GPAT4: variants seen among roughly 807,000 people sequenced by gnomAD.
GPAT4 encodes glycerol-3-phosphate acyltransferase 4.
Under a neutral mutation model 58.0 loss-of-function variants are expected in GPAT4, and 17 were observed. The ratio of observed to expected loss-of-function variants is 0.29; its 90% CI spans 0.20 to 0.44. GPAT4 has a LOEUF of 0.44. Ranked by LOEUF, GPAT4 falls within the 20% of genes least tolerant of loss-of-function variation. GPAT4 has a pLI of 1.00. For missense variants in GPAT4, 377 were observed against 574.5 expected (o/e 0.66, Z 3.51); for synonymous variants, 204 against 210.1 (o/e 0.97, Z 0.25).
chr8:41,619,720 A>G (rs1185025256), intron 12 of GPAT4, among the ~76,000 whole-genome samples: 1 of 152,236 alleles, frequency 6.6e-6, no homozygotes, highest in African/African-American at 2.4e-5. Flanking sequence ...CCAAGGGTCA[A>G]CTGGGGAGAG....
At chr8:41,611,849 T>G in intron 5 of GPAT4, 54 bp from the exon 6 acceptor site, 2 of 1,562,116 alleles carry the variant, frequency 1.3e-6, no homozygotes, top group South Asian at 1.1e-5. Context: ...CAGTAACTCT[T>G]TCTGTCTTCC....
chr8:41,620,847 T>C (rs1803727439), intron 12 of GPAT4, 46 bp from the exon 13 acceptor site: 3 of 1,549,246 alleles, frequency 1.9e-6, no homozygotes, highest in South Asian at 1.2e-5. Context: ...TGAGCGTGGC[T>C]GGGAGCCCTC....
chr8:41,591,421 G>T (rs1400025228), intron 1 of GPAT4, among the ~76,000 whole-genome samples: 1 of 152,186 alleles, frequency 6.6e-6, no homozygotes, highest in East Asian at 1.9e-4. Flanking sequence ...ATTTTAAGGC[G>T]AAGTCAGTAG....
chr8:41,609,040 A>G (rs915714342), intron 2 of GPAT4, among the ~76,000 whole-genome samples: 2 of 152,250 alleles, frequency 1.3e-5, no homozygotes, highest in Admixed American at 6.5e-5. Context: ...TTTACAGGAT[A>G]CCTGGCTTCG....
At chr8:41,604,386 T>C (rs1803197401) in intron 2 of GPAT4, among the ~76,000 whole-genome samples, 1 of 152,348 alleles carries the variant, frequency 6.6e-6, no homozygotes, top group East Asian at 1.9e-4. Flanking sequence ...CAATATCTTT[T>C]CTGTTCCCTT....
chr8:41,579,595 T>A (rs1428916654), intron 1 of GPAT4, among the ~76,000 whole-genome samples: 1 of 152,194 alleles, frequency 6.6e-6, no homozygotes, highest in Non-Finnish European at 1.5e-5. Context: ...CCCAGCACTT[T>A]GGGAGGCCGA....
rs772593902 is a variant in GPAT4 at position 41,609,809 on chromosome 8, G to A, written c.390G>A (p.Glu130=). 1.2e-6 allele frequency: 2 copies of A among 1,614,094 alleles called. No individual in the cohort carries two copies. Among genetic ancestry groups the A allele is most frequent in the South Asian group, 1.1e-5 (1 of 91,084 alleles). The change falls in exon 4 of 13, where the codon GAG becomes GAA. Residue 130 remains glutamate (E), a synonymous_variant. Transcript: ENST00000396987. ...RKGMETIMDD[E]VTKRFSAEEL... ...GAATGGAGACCATTATGGATGATGA[G>A]GTGACAAAGAGATTCTCAGCAGAAG...
intron 1 of GPAT4, among the ~76,000 whole-genome samples, chr8:41,582,694 T>TGTGGGG (rs892299561): frequency 1.0e-4 from 15 of 145,072 alleles, no homozygotes; most frequent in African/African-American, 3.8e-4. Context: ...TGTGTGTGTG[T>TGTGGGG]GGGTGTATCT....
chr8:41,588,372 A>G (rs1802706754), intron 1 of GPAT4, among the ~76,000 whole-genome samples: 1 of 152,104 alleles, frequency 6.6e-6, no homozygotes, highest in African/African-American at 2.4e-5. Flanking sequence ...TGCATTTAGG[A>G]GTGATAATAG....
intron 1 of GPAT4, among the ~76,000 whole-genome samples, chr8:41,587,814 A>G (rs191493793): frequency 1.3e-5 from 2 of 152,338 alleles, no homozygotes; most frequent in South Asian, 2.1e-4. Context: ...AAGGTTACAT[A>G]CATTTAAAAT....
At chr8:41,584,422 G>C (rs958603209) in intron 1 of GPAT4, among the ~76,000 whole-genome samples, 1 of 152,176 alleles carries the variant, frequency 6.6e-6, no homozygotes, top group Non-Finnish European at 1.5e-5. Flanking sequence ...GTGTCCATCA[G>C]TAGGGGAATG....
intron 12 of GPAT4, among the ~76,000 whole-genome samples, chr8:41,620,240 G>T (rs1803708111): frequency 6.6e-6 from 1 of 152,202 alleles, no homozygotes; most frequent in African/African-American, 2.4e-5. Context: ...AGGCACGGAG[G>T]GGGCCAGCAG....
Position 41,624,249 on chromosome 8 carries a change from A to G in GPAT4, c.*3248A>G, listed in dbSNP as rs1434374529. On this transcript the variant is annotated 3_prime_UTR_variant, in exon 13 of 13. Coordinates refer to ENST00000396987, the MANE Select transcript of GPAT4 (RefSeq NM_178819.4). ...TCCCTGGTGCTGCCTTTCAGAGAAG[A>G]GGCTTGATGTGTGAGGGGTCAGGGG... 6.6e-6 allele frequency: 1 copy of G among 152,178 alleles called. No individual in the cohort carries two copies. Among genetic ancestry groups the G allele is most frequent in the Admixed American group, 6.5e-5 (1 of 15,276 alleles). 9.4% of individuals were successfully genotyped at this position (152,178 alleles called of 1,614,324 possible).
intron 2 of GPAT4, among the ~76,000 whole-genome samples, chr8:41,608,847 T>A (rs916538497): frequency 2.6e-5 from 4 of 152,096 alleles, no homozygotes; most frequent in African/African-American, 9.7e-5. Flanking sequence ...CCTAATAGTG[T>A]TCTTTTTTTC....
In GPAT4 at chr8:41,623,074, TCTGCGGCCC is replaced by T. The variant is rs1803801681; in HGVS notation, c.*2078_*2086del. 6.6e-6 allele frequency: 1 copy of T among 152,240 alleles called. No individual in the cohort carries two copies. The highest frequency in any genetic ancestry group is 1.5e-5 in the Non-Finnish European group (1 of 68,050). 9.4% of individuals were successfully genotyped at this position (152,240 alleles called of 1,614,324 possible). On this transcript the variant is annotated 3_prime_UTR_variant, in exon 13 of 13. Transcript: ENST00000396987. ...TTTTGTCTCACATTCAGCACAGCTG[TCTGCGGCCC>T]CTGCCGGCAGGTGTGGCCGCACCTG...
At position 41,619,106 on chromosome 8, in the gene GPAT4, C is replaced by G. The variant is rs1803679909; in HGVS notation, c.1262+129C>G. On this transcript the variant is annotated intron_variant, in intron 12 of 12. Coordinates refer to ENST00000396987, the MANE Select transcript of GPAT4 (RefSeq NM_178819.4). ...CAGCTCTAGAGAGAGCAGTTTGACT[C>G]TCCCCGAATTCCAACCCAGAAGTGC... 4 of 1,173,472 alleles carry G rather than the reference C, an allele frequency of 3.4e-6. No homozygotes were observed. In the South Asian group the frequency reaches 5.7e-5, roughly 17 times the overall value. 72.7% of individuals were successfully genotyped at this position (1,173,472 alleles called of 1,614,324 possible). A position where few individuals can be genotyped will look rare whatever the true frequency, so the allele number is the denominator to read the frequency against.
At chr8:41,585,075 A>G (rs1442702762) in intron 1 of GPAT4, among the ~76,000 whole-genome samples, 1 of 152,196 alleles carries the variant, frequency 6.6e-6, no homozygotes, top group Non-Finnish European at 1.5e-5. Flanking sequence ...GGAAACATGC[A>G]GTTTCCCCAC....
intron 5 of GPAT4, among the ~76,000 whole-genome samples, chr8:41,611,176 C>T (rs1426744643): frequency 2.6e-5 from 4 of 152,192 alleles, no homozygotes; most frequent in African/African-American, 9.7e-5. Context: ...AGTGAGCCAA[C>T]ATCACACCAC....
At chr8:41,597,213 T>C (rs367729946) in intron 1 of GPAT4, among the ~76,000 whole-genome samples, 2 of 152,278 alleles carry the variant, frequency 1.3e-5, no homozygotes, top group Admixed American at 6.5e-5. Flanking sequence ...ATATGAAGGG[T>C]GGTCTCCTCC....
Sources: gnomAD v4.1 joint callset for allele counts (sites outside exome capture counted in the v4.1 genomes callset) on GRCh38, gnomAD v4.1.1 for gene constraint, MANE v1.5 for transcripts, NCBI Gene and HGNC (gene_info 2026-07-23, HGNC 2026-07-21) for gene names.